The following DYRK1B variants were observed in gnomAD, a reference collection of about 807,000 sequenced individuals.
DYRK1B encodes dual specificity tyrosine-phosphorylation-regulated kinase 1B.
DYRK1B carries 20 observed loss-of-function variants against 57.1 expected under a neutral mutation model. The ratio of observed to expected loss-of-function variants is 0.35; its 90% CI spans 0.25 to 0.51. The LOEUF (loss-of-function observed/expected upper bound fraction) is 0.51. Among genes scored for constraint, DYRK1B ranks in the 20% least tolerant of loss-of-function variants. The pLI, the probability that DYRK1B is intolerant of heterozygous loss-of-function variation, is 0.96. For missense variants in DYRK1B, 732 were observed against 886.3 expected (o/e 0.83, Z 2.21); for synonymous variants, 409 against 384.7 (o/e 1.06, Z -0.74).
chr19:39,829,883 T>C lies in DYRK1B; in HGVS notation c.517A>G (p.Ile173Val), dbSNP rs758652897. ...NQHDTEMKYY[I>V]VHLKRHFMFR... ...CCCTGCCAGTCCCAGGCCTCACCTATATAGTACTTCATCTCCGTGTCATGC... is the reference window on the plus strand; with the variant it reads ...CCCTGCCAGTCCCAGGCCTCACCTACATAGTACTTCATCTCCGTGTCATGC... The change falls in exon 5 of 11, where the codon ATA becomes GTA. Residue 173 changes from isoleucine to valine, a missense_variant. Ile to Val is a conservative substitution (Grantham distance 29, BLOSUM62 3). Coordinates refer to ENST00000323039, the MANE Select transcript of DYRK1B (RefSeq NM_004714.3). 2.5e-6 allele frequency: 4 copies of C among 1,613,302 alleles called. No homozygotes were observed. Among genetic ancestry groups the C allele is most frequent in the Non-Finnish European group, 3.4e-6 (4 of 1,180,000 alleles).
At position 39,828,211 on chromosome 19, in the gene DYRK1B, C is replaced by A. The variant is rs1968629096; in HGVS notation, c.807+86G>T. The A allele has an allele frequency of 6.9e-7, 1 of 1,459,368 alleles. No individual in the cohort carries two copies. The highest frequency in any genetic ancestry group is 9.3e-7 in the Non-Finnish European group (1 of 1,075,940). The allele number at this position is 1,459,368 out of a possible 1,614,324, so 90.4% of individuals were successfully genotyped here. ...TCCCACGGCTCCTAATAATCCCATC[C>A]CAGCCAAGCCCCGCCCCTAAGCCTC... On this transcript the variant is annotated intron_variant, in intron 6 of 10. Transcript: ENST00000323039. The surrounding 1 kb of genome is among the most constrained non-coding windows in gnomAD (Gnocchi z 4.3).
rs1968741272 is a variant in DYRK1B, at chr19:39,830,186, G to A, written c.373-159C>T. On this transcript the variant is annotated intron_variant, in intron 4 of 10. Coordinates refer to ENST00000323039, the MANE Select transcript of DYRK1B (RefSeq NM_004714.3). ...AGGCGCTGGTGTAAACACTGGATGT[G>A]AAATAACATAACGACCTTATGTTGA... The A allele has an allele frequency of 1.3e-5, 15 of 1,150,252 alleles. No individual in the cohort carries two copies. The South Asian group carries it at 1.9e-4, about 15-fold the overall frequency. The allele number at this position is 1,150,252 out of a possible 1,614,324, so 71.3% of individuals were successfully genotyped here.
chr19:39,830,897 T>C, intron 2 of DYRK1B, 114 bp from the exon 3 acceptor site: 1 of 1,292,436 alleles, frequency 7.7e-7, no homozygotes, highest in Non-Finnish European at 1.0e-6. Flanking sequence ...TCTGTATTTG[T>C]TCCACCTGTC....
intron 5 of DYRK1B, among the ~76,000 whole-genome samples, chr19:39,829,216 TTTTTG>T (rs1209283783): frequency 6.6e-6 from 1 of 151,758 alleles, no homozygotes; most frequent in Non-Finnish European, 1.5e-5. Flanking sequence ...TAGGTTTGGT[TTTTTG>T]TTTGTTTTGG....
chr19:39,830,899 C>T, intron 2 of DYRK1B, 116 bp from the exon 3 acceptor site: 1 of 1,279,714 alleles, frequency 7.8e-7, no homozygotes, highest in Non-Finnish European at 1.1e-6. Context: ...TGTATTTGTT[C>T]CACCTGTCTA....
rs747223319 is a variant in DYRK1B, at chr19:39,827,251, G to A, written c.1095+34C>T. The A allele has an allele frequency of 5.0e-6, 8 of 1,585,298 alleles. No homozygotes were observed. The South Asian group carries it at 9.1e-5, about 18-fold the overall frequency. ...CCCCAAGTGTGAGTGAGGGGCCACG[G>A]GGTGGGAGGAGTGGCATGGGGCAGG... On this transcript the variant is annotated intron_variant, in intron 8 of 10. Coordinates refer to ENST00000323039, the MANE Select transcript of DYRK1B (RefSeq NM_004714.3).
At position 39,828,927 on chromosome 19, in the gene DYRK1B, G is replaced by C. The variant is rs759490408; in HGVS notation, c.521-344C>G. On this transcript the variant is annotated intron_variant, in intron 5 of 10. Transcript: ENST00000323039. The surrounding 1 kb of genome is among the most constrained non-coding windows in gnomAD (Gnocchi z 4.3). ...GACACTGGTTTTCCGTTTACTTTAA[G>C]GATATACGTTTTCCTTTCAAACGAA... 6.6e-5 allele frequency among the ~76,000 whole-genome samples: 10 copies of C among 151,796 alleles called. No homozygotes were observed. The highest frequency in any genetic ancestry group is 7.4e-5 in the Non-Finnish European group (5 of 68,006).
At position 39,825,371 on chromosome 19, in the gene DYRK1B, G is replaced by A. The variant is rs1008287610; in HGVS notation, c.*344C>T. 9 of 257,976 alleles carry A rather than the reference G, an allele frequency of 3.5e-5. No individual in the cohort carries two copies. Among genetic ancestry groups the A allele is most frequent in the South Asian group, 1.8e-4 (3 of 16,570 alleles). 16.0% of individuals were successfully genotyped at this position (257,976 alleles called of 1,614,324 possible). The stretch of plus-strand genomic sequence containing the variant: ...GGCATGTGAGAAAGCTCTTTACTGG[G>A]GGTACAGCGAGGAGGAGCAAGGCCA... On this transcript the variant is annotated 3_prime_UTR_variant, in exon 11 of 11. Transcript: ENST00000323039.
rs1968758675 is a variant in DYRK1B, at chr19:39,830,524, G to A, written c.223C>T (p.Pro75Ser). ...AKKKRRAQQA[P>S]PQDSSNKKEK... ...TTCTTGTTGCTCGAATCCTGGGGTG[G>A]CGCCTGCTGGGCCCGCCGCTTCTTC... The change falls in exon 4 of 11, where the codon CCA (proline) becomes TCA (serine). Residue 75 changes from proline (P) to serine (S), a missense_variant. Physicochemically the swap from Pro to Ser is moderately conservative, Grantham distance 74. Transcript: ENST00000323039. The A allele has an allele frequency of 1.9e-6, 3 of 1,613,968 alleles. No individual in the cohort carries two copies. Among genetic ancestry groups the A allele is most frequent in the Non-Finnish European group, 2.5e-6 (3 of 1,180,028 alleles).
In DYRK1B at chr19:39,830,555, A is replaced by G. The variant is rs543090482; in HGVS notation, c.192T>C (p.Tyr64=). 14 of 1,613,964 alleles carry G rather than the reference A, an allele frequency of 8.7e-6. No individual in the cohort carries two copies. The highest frequency in any genetic ancestry group is 7.7e-5 in the South Asian group (7 of 91,088). The part of the protein sequence containing the change: ...KTYKHINEVY[Y]AKKKRRAQQA... ...GCTGGGCCCGCCGCTTCTTCTTCGC[A>G]TAGTATACCTGCCCAGCCAGCCAGC... The change falls in exon 4 of 11, where the codon TAT becomes TAC. Residue 64 remains tyrosine (Y), a synonymous_variant. Transcript: ENST00000323039.
In DYRK1B at chr19:39,831,509, TCAC is replaced by T. The variant is rs1487602912; in HGVS notation, c.63+293_63+295del. On this transcript the variant is annotated intron_variant, in intron 2 of 10. Transcript: ENST00000323039. ...TGCATACCATTAACTCATTTAATCC[TCAC>T]AACAACCCTGTGAAGTAGGTATCAT... is the stretch of plus-strand genomic sequence containing the variant. Among the ~76,000 whole-genome samples the T allele has an allele frequency of 6.6e-5, 10 of 152,316 alleles. No homozygotes were observed. The East Asian group carries it at 1.9e-3, about 29-fold the overall frequency.
In DYRK1B at chr19:39,826,266, T is replaced by C; in HGVS notation, c.1432A>G (p.Ser478Gly). Residue 478 changes from serine to glycine, a missense_variant, in exon 10 of 11, where the codon AGT becomes GGT. Ser to Gly is a moderately conservative substitution (Grantham distance 56, BLOSUM62 0). Coordinates refer to ENST00000323039, the MANE Select transcript of DYRK1B (RefSeq NM_004714.3). The surrounding 1 kb of genome is among the most constrained non-coding windows in gnomAD (Gnocchi z 6.3). ...CTGTAGCGGTAGGTCCGGTTGTCACTGGAGGAGCCACTGGAGCCTCCTGGA... is the reference window on the plus strand; with the variant it reads ...CTGTAGCGGTAGGTCCGGTTGTCACCGGAGGAGCCACTGGAGCCTCCTGGA... ...SSSGGSSGSSSDNRTYRYSNR... is the reference protein window; with the variant it reads ...SSSGGSSGSSGDNRTYRYSNR... 6.3e-7 allele frequency: 1 copy of C among 1,587,592 alleles called. No individual in the cohort carries two copies. The highest frequency in any genetic ancestry group is 8.5e-7 in the Non-Finnish European group (1 of 1,170,118).
intron 6 of DYRK1B, 63 bp from the exon 7 acceptor site, chr19:39,827,719 A>G: frequency 3.2e-6 from 5 of 1,573,740 alleles, no homozygotes; most frequent in Non-Finnish European, 4.3e-6. Context: ...ACACCCCCAA[A>G]GCTAAGAGGA....
chr19:39,833,217 T>G, intron 1 of DYRK1B: 1 of 985,606 alleles, frequency 1.0e-6, no homozygotes, highest in Non-Finnish European at 1.2e-6. Context: ...CCACCTCTTC[T>G]CCGGGGCCCT....
Position 39,828,201 on chromosome 19 carries a change from T to G in DYRK1B, c.807+96A>C, listed in dbSNP as rs566827642. On this transcript the variant is annotated intron_variant, in intron 6 of 10. Coordinates refer to ENST00000323039, the MANE Select transcript of DYRK1B (RefSeq NM_004714.3). This position sits in a 1 kb window ranked among gnomAD's most constrained non-coding sequence, Gnocchi z 4.3. ...ATCCCTCAGTTCCCACGGCTCCTAA[T>G]AATCCCATCCCAGCCAAGCCCCGCC... 20 of 1,374,492 alleles carry G rather than the reference T, an allele frequency of 1.5e-5. No individual in the cohort carries two copies. The South Asian group carries it at 2.6e-4, about 18-fold the overall frequency. 85.1% of individuals were successfully genotyped at this position (1,374,492 alleles called of 1,614,324 possible).
rs1359439678 is a variant in DYRK1B at position 39,829,822 on chromosome 19, A to G, written c.520+58T>C. On this transcript the variant is annotated intron_variant, in intron 5 of 10. Coordinates refer to ENST00000323039, the MANE Select transcript of DYRK1B (RefSeq NM_004714.3). ...TAGGGCGGGGGTGTGACCCATCCCT[A>G]CTGGCTCCAGCTCCCGCTATCCCAG... 5 of 1,591,696 alleles carry G rather than the reference A, an allele frequency of 3.1e-6. No individual in the cohort carries two copies. The African/African-American group carries it at 4.0e-5, about 13-fold the overall frequency.
chr19:39,826,582 T>G lies in DYRK1B; in HGVS notation c.1411+90A>C. 7.3e-7 allele frequency: 1 copy of G among 1,366,112 alleles called. No homozygotes were observed. The allele number at this position is 1,366,112 out of a possible 1,614,324, so 84.6% of individuals were successfully genotyped here. A position where few individuals can be genotyped will look rare whatever the true frequency, so the allele number is the denominator to read the frequency against. ...GTTCAGGATCAGTTTCGGCGCTTTGTGTGAAGACCCAGTAACCAGGTCCCC... is the reference window on the plus strand; with the variant it reads ...GTTCAGGATCAGTTTCGGCGCTTTGGGTGAAGACCCAGTAACCAGGTCCCC... On this transcript the variant is annotated intron_variant, in intron 9 of 10. Transcript: ENST00000323039. This position sits in a 1 kb window ranked among gnomAD's most constrained non-coding sequence, Gnocchi z 6.3.
intron 1 of DYRK1B, 122 bp from the exon 2 acceptor site, chr19:39,832,090 G>C: frequency 1.8e-6 from 2 of 1,129,712 alleles, no homozygotes; most frequent in Non-Finnish European, 2.3e-6. Context: ...GGGCACAACG[G>C]AGCAGCAGAT....
intron 1 of DYRK1B, among the ~76,000 whole-genome samples, chr19:39,832,523 A>C (rs528287816): frequency 6.6e-6 from 1 of 152,014 alleles, no homozygotes; most frequent in African/African-American, 2.4e-5. Flanking sequence ...CCCAAACCAC[A>C]TGAGTCTTCC....
Sources: allele counts gnomAD v4.1 joint callset (sites outside exome capture counted in the v4.1 genomes callset), GRCh38; gene constraint gnomAD v4.1.1; non-coding constraint Gnocchi (gnomAD v3.1); transcripts MANE v1.5; gene names NCBI Gene and HGNC (gene_info 2026-07-23, HGNC 2026-07-21).